The following PTPRD variants were observed in gnomAD, a reference collection of about 807,000 sequenced individuals.
PTPRD encodes receptor-type tyrosine-protein phosphatase delta.
Under a neutral mutation model 214.5 loss-of-function variants are expected in PTPRD, and 34 were observed. The ratio of observed to expected loss-of-function variants is 0.16; its 90% CI spans 0.12 to 0.21. PTPRD has a LOEUF of 0.21. Ranked by LOEUF, PTPRD falls within the 10% of genes least tolerant of loss-of-function variation. The pLI is 1.00. For synonymous variants in PTPRD, 1,128 were observed against 845.7 expected (o/e 1.33, Z -5.79); for missense variants, 2,545 against 2,398.7 (o/e 1.06, Z -1.27).
intron 4 of PTPRD, among the ~76,000 whole-genome samples, chr9:9,999,448 A>G (rs566177533): frequency 3.3e-5 from 5 of 152,308 alleles, no homozygotes; most frequent in Admixed American, 6.5e-5. Context: ...AAAATTTGCC[A>G]CCAAATATTA....
At chr9:9,342,236 T>C (rs1297669048) in intron 9 of PTPRD, among the ~76,000 whole-genome samples, 2 of 152,210 alleles carry the variant, frequency 1.3e-5, no homozygotes, top group Non-Finnish European at 2.9e-5. Flanking sequence ...TGTCATGCTT[T>C]ATAGAACTCC....
chr9:8,655,156 T>C (rs2096885192), intron 12 of PTPRD, among the ~76,000 whole-genome samples: 1 of 152,158 alleles, frequency 6.6e-6, no homozygotes, highest in East Asian at 1.9e-4. Flanking sequence ...TCCAGCCTAG[T>C]TGATAAAGTA....
chr9:9,746,305 C>G (rs1031942426), intron 6 of PTPRD, among the ~76,000 whole-genome samples: 1 of 152,064 alleles, frequency 6.6e-6, no homozygotes, highest in Admixed American at 6.5e-5. Context: ...TTAATCATTA[C>G]TAGATTGGAA....
intron 7 of PTPRD, among the ~76,000 whole-genome samples, chr9:9,691,647 G>A (rs1031061675): frequency 2.6e-5 from 4 of 151,962 alleles, no homozygotes; most frequent in Non-Finnish European, 5.9e-5. Context: ...ACTCAGCTTT[G>A]GGGTTGTTGG....
chr9:8,836,204 C>G (rs1165523781), intron 11 of PTPRD, among the ~76,000 whole-genome samples: 1 of 152,012 alleles, frequency 6.6e-6, no homozygotes, highest in African/African-American at 2.4e-5. Flanking sequence ...AGTTAGTGAC[C>G]TTGAAACTTG....
chr9:8,389,488 T>A (rs1396996222), intron 36 of PTPRD, 81 bp from the exon 37 acceptor site: 1 of 1,047,996 alleles, frequency 9.5e-7, no homozygotes, highest in East Asian at 2.6e-5. Context: ...ATGGCAGTGC[T>A]ATCTTACTGT....
At chr9:10,606,970 T>C (rs1017791322) in intron 2 of PTPRD, among the ~76,000 whole-genome samples, 1 of 151,960 alleles carries the variant, frequency 6.6e-6, no homozygotes, top group Admixed American at 6.6e-5. Context: ...ATTCTGTATT[T>C]AATCATAATA....
rs1205868973 is a variant in PTPRD at position 8,726,588 on chromosome 9, A to T, written c.64+7192T>A. Among the ~76,000 whole-genome samples the T allele has an allele frequency of 3.4e-3, 33 of 9,688 alleles. No individual in the cohort carries two copies. The South Asian group carries it at 0.042, about 12-fold the overall frequency. The allele number at this position is 9,688 out of a possible 152,430, so 6.4% of individuals were successfully genotyped here. A position where few individuals can be genotyped will look rare whatever the true frequency, so the allele number is the denominator to read the frequency against. ...CTCTACTAAAAAAAAAAAAAAAAAA[A>T]ATATATATATATATATATATATATA... On this transcript the variant is annotated intron_variant, in intron 12 of 45. Coordinates refer to ENST00000381196, the MANE Select transcript of PTPRD (RefSeq NM_002839.4).
chr9:9,254,383 T>A (rs1483542346), intron 9 of PTPRD, among the ~76,000 whole-genome samples: 1 of 152,100 alleles, frequency 6.6e-6, no homozygotes, highest in Non-Finnish European at 1.5e-5. Context: ...AGACTGCTTT[T>A]AGAAGTAAAT....
chr9:8,564,182 AT>A (rs893047410), intron 14 of PTPRD, among the ~76,000 whole-genome samples: 1 of 151,934 alleles, frequency 6.6e-6, no homozygotes, highest in African/African-American at 2.4e-5. Context: ...TTTCCTGATT[AT>A]TTTTTCTAAC....
chr9:10,134,459 C>G (rs1227346083), intron 3 of PTPRD, among the ~76,000 whole-genome samples: 1 of 152,168 alleles, frequency 6.6e-6, no homozygotes, highest in Non-Finnish European at 1.5e-5. Flanking sequence ...AACAGGCAGG[C>G]AGCTATGTAA....
intron 14 of PTPRD, among the ~76,000 whole-genome samples, chr9:8,557,455 T>TATATATATATATATATATATACACATAC: frequency 7.4e-6 from 1 of 135,640 alleles, no homozygotes; most frequent in African/African-American, 3.5e-5. Context: ...TATATATATA[T>TATATATATATATATATATATACACATAC]ATTTGGGCCG....
intron 10 of PTPRD, among the ~76,000 whole-genome samples, chr9:9,044,029 TA>T (rs1200881130): frequency 2.0e-5 from 3 of 152,152 alleles, no homozygotes; most frequent in African/African-American, 7.2e-5. Flanking sequence ...GCATTCAATT[TA>T]AATAAGAGCT....
chr9:9,604,986 T>C (rs2094049968), intron 7 of PTPRD, among the ~76,000 whole-genome samples: 1 of 152,076 alleles, frequency 6.6e-6, no homozygotes, highest in Non-Finnish European at 1.5e-5. Context: ...GGGCCAGAGC[T>C]TATTCTCAAC....
intron 7 of PTPRD, among the ~76,000 whole-genome samples, chr9:9,592,936 C>A (rs905934304): frequency 2.6e-5 from 4 of 151,566 alleles, no homozygotes; most frequent in Non-Finnish European, 5.9e-5. Context: ...TCCCAGCTAC[C>A]TGGGAGGCTG....
chr9:9,711,497 T>A (rs1299048392), intron 7 of PTPRD, among the ~76,000 whole-genome samples: 2 of 152,142 alleles, frequency 1.3e-5, no homozygotes, highest in African/African-American at 4.8e-5. Flanking sequence ...TGCCTAATAA[T>A]AATAATTATA....
rs143282414 is a variant in PTPRD, at chr9:8,703,469, G to C, written c.64+30311C>G. 3.6e-4 allele frequency among the ~76,000 whole-genome samples: 55 copies of C among 152,168 alleles called. No individual in the cohort carries two copies. The East Asian group carries it at 8.3e-3, about 23-fold the overall frequency. On this transcript the variant is annotated intron_variant, in intron 12 of 45. Coordinates refer to ENST00000381196, the MANE Select transcript of PTPRD (RefSeq NM_002839.4). ...TCATTAATGTCCCTGCTATTACCAAGTCCAATGGACATGTTCAGATCCATC... is the reference window on the plus strand; with the variant it reads ...TCATTAATGTCCCTGCTATTACCAACTCCAATGGACATGTTCAGATCCATC...
chr9:10,376,889 C>T (rs1418915289), intron 2 of PTPRD, among the ~76,000 whole-genome samples: 2 of 151,870 alleles, frequency 1.3e-5, no homozygotes, highest in Admixed American at 1.3e-4. Flanking sequence ...AGCATTTATC[C>T]TTTGTGTTAT....
chr9:9,299,938 A>C (rs1954626250), intron 9 of PTPRD, among the ~76,000 whole-genome samples: 1 of 150,326 alleles, frequency 6.7e-6, no homozygotes, highest in African/African-American at 2.4e-5. Flanking sequence ...CTATAGGCCT[A>C]AATATTCCTC....
Sources: allele counts gnomAD v4.1 joint callset (sites outside exome capture counted in the v4.1 genomes callset), GRCh38; gene constraint gnomAD v4.1.1; transcripts MANE v1.5; gene names NCBI Gene and HGNC (gene_info 2026-07-23, HGNC 2026-07-21).